Variants in WWTR1 observed in about 807,000 individuals in gnomAD.
WWTR1 encodes the protein WW domain-containing transcription regulator protein 1.
Under a neutral mutation model 40.1 loss-of-function variants are expected in WWTR1, and 13 were observed. The ratio of observed to expected loss-of-function variants is 0.32; its 90% CI spans 0.21 to 0.52. The LOEUF (loss-of-function observed/expected upper bound fraction) is 0.52. WWTR1 is among the 20% of genes least tolerant of loss of function. WWTR1 has a pLI of 0.97. For synonymous variants in WWTR1, 230 were observed against 210.1 expected (o/e 1.09, Z -0.82); for missense variants, 436 against 523.1 (o/e 0.83, Z 1.63).
intron 5 of WWTR1, among the ~76,000 whole-genome samples, chr3:149,716,818 T>A (rs916376558): frequency 1.3e-5 from 2 of 152,064 alleles, no homozygotes; most frequent in Admixed American, 6.6e-5. Context: ...AAAATAAAAA[T>A]TTTTATAAGG....
intron 2 of WWTR1, among the ~76,000 whole-genome samples, chr3:149,664,225 G>A (rs1713709916): frequency 6.6e-6 from 1 of 152,180 alleles, no homozygotes; most frequent in Non-Finnish European, 1.5e-5. Flanking sequence ...GCCAGGGTTG[G>A]GTCACCATTA....
intron 2 of WWTR1, among the ~76,000 whole-genome samples, chr3:149,591,716 ATAGT>A (rs1738732378): frequency 6.6e-6 from 1 of 152,224 alleles, no homozygotes; most frequent in Admixed American, 6.5e-5. Flanking sequence ...GAAATTAAAA[ATAGT>A]TATATTAGAA....
upstream of WWTR1, among the ~76,000 whole-genome samples, chr3:149,707,250 C>T (rs1715357177): frequency 6.6e-6 from 1 of 152,036 alleles, no homozygotes; most frequent in South Asian, 2.1e-4. Context: ...GGGAGAAAGC[C>T]AAGACAGCAA....
intron 4 of WWTR1, among the ~76,000 whole-genome samples, chr3:149,541,491 C>A (rs1269858423): frequency 6.6e-6 from 1 of 152,116 alleles, no homozygotes; most frequent in African/African-American, 2.4e-5. Flanking sequence ...ATATACAAAC[C>A]ACTTTCCCTT....
intron 1 of WWTR1, among the ~76,000 whole-genome samples, chr3:149,688,858 C>T (rs1157886592): frequency 1.3e-5 from 2 of 152,006 alleles, no homozygotes; most frequent in Non-Finnish European, 2.9e-5. Context: ...AGACAGAATT[C>T]AAAATAGCTG....
intron 3 of WWTR1, among the ~76,000 whole-genome samples, chr3:149,544,891 A>G (rs1736296806): frequency 6.6e-6 from 1 of 152,220 alleles, no homozygotes; most frequent in Non-Finnish European, 1.5e-5. Flanking sequence ...GCCCAATAAC[A>G]TGCTAGTAAA....
chr3:149,700,691 T>C (rs1425162113), intron 1 of WWTR1, among the ~76,000 whole-genome samples: 2 of 152,178 alleles, frequency 1.3e-5, no homozygotes, highest in African/African-American at 2.4e-5. Context: ...AGAAGTATTA[T>C]GCAAAATTGG....
chr3:149,685,471 T>C (rs1323166797), intron 1 of WWTR1, among the ~76,000 whole-genome samples: 1 of 152,214 alleles, frequency 6.6e-6, no homozygotes, highest in Non-Finnish European at 1.5e-5. Flanking sequence ...GTGAAACTTC[T>C]TGCTCTGGGC....
At chr3:149,534,812 A>G (rs1451471407) in intron 4 of WWTR1, among the ~76,000 whole-genome samples, 2 of 152,212 alleles carry the variant, frequency 1.3e-5, no homozygotes, top group East Asian at 1.9e-4. Flanking sequence ...GTAATTATTT[A>G]TGGGCTAAAA....
chr3:149,635,073 C>T (rs1422609056), intron 2 of WWTR1, among the ~76,000 whole-genome samples: 7 of 152,198 alleles, frequency 4.6e-5, no homozygotes, highest in Admixed American at 1.3e-4. Flanking sequence ...CAGAAATCAG[C>T]AGAAGGGGGC....
At chr3:149,608,372 C>A (rs1739579710) in intron 2 of WWTR1, among the ~76,000 whole-genome samples, 1 of 151,838 alleles carries the variant, frequency 6.6e-6, no homozygotes, top group Non-Finnish European at 1.5e-5. Flanking sequence ...ATATTAGTTT[C>A]TCAACAAATA....
chr3:149,656,720 A>C (rs902718402), intron 2 of WWTR1, among the ~76,000 whole-genome samples, 156 bp downstream of exon 2: 16 of 151,088 alleles, frequency 1.1e-4, no homozygotes, highest in African/African-American at 3.4e-4. Context: ...CCAGCTCTCC[A>C]TATCTGTGAA....
chr3:149,568,764 TTTG>T (rs1174530512), intron 3 of WWTR1, among the ~76,000 whole-genome samples: 4 of 152,114 alleles, frequency 2.6e-5, no homozygotes, highest in South Asian at 2.1e-4. Context: ...TAAAGCTCTT[TTTG>T]TTGTTGTTTT....
intron 2 of WWTR1, among the ~76,000 whole-genome samples, chr3:149,581,843 CT>C (rs1286077419): frequency 6.6e-6 from 1 of 152,154 alleles, no homozygotes; most frequent in Non-Finnish European, 1.5e-5. Flanking sequence ...CCCTCACGTC[CT>C]TCCCACTGAG....
At chr3:149,606,088 G>C (rs1475978228) in intron 2 of WWTR1, among the ~76,000 whole-genome samples, 6 of 152,178 alleles carry the variant, frequency 3.9e-5, no homozygotes, top group Non-Finnish European at 5.9e-5. Flanking sequence ...GACTCGGGTA[G>C]AAGGCATGAT....
At chr3:149,557,669 T>C (rs539727138) in intron 3 of WWTR1, among the ~76,000 whole-genome samples, 2 of 152,218 alleles carry the variant, frequency 1.3e-5, no homozygotes, top group South Asian at 2.1e-4. Flanking sequence ...CACAGTCCTT[T>C]ACCCCAACTT....
intron 5 of WWTR1, among the ~76,000 whole-genome samples, chr3:149,709,066 C>G (rs774918331): frequency 7.2e-5 from 11 of 152,130 alleles, no homozygotes; most frequent in Non-Finnish European, 1.5e-4. Context: ...ACCTCTGCCT[C>G]CCGGGCTCAA....
intron 2 of WWTR1, among the ~76,000 whole-genome samples, chr3:149,638,040 AC>A (rs1711935265): frequency 6.6e-6 from 1 of 152,028 alleles, no homozygotes; most frequent in African/African-American, 2.4e-5. Context: ...ATATGGTGAA[AC>A]CCCGTCTCTA....
At chr3:149,675,958 G>A (rs1453522503) in intron 1 of WWTR1, among the ~76,000 whole-genome samples, 1 of 152,102 alleles carries the variant, frequency 6.6e-6, no homozygotes, top group Non-Finnish European at 1.5e-5. Flanking sequence ...GCCCGTCTCA[G>A]CTTCCCAAAG....
Sources: allele counts gnomAD v4.1 joint callset (sites outside exome capture counted in the v4.1 genomes callset), GRCh38; gene constraint gnomAD v4.1.1; transcripts MANE v1.5; gene names NCBI Gene and HGNC (gene_info 2026-07-23, HGNC 2026-07-21).